The following ATP8A2 variants were observed in gnomAD, a reference collection of about 807,000 sequenced individuals.
The protein encoded by ATP8A2 is ATPase phospholipid transporting 8A2.
A neutral mutation model predicts 165.6 loss-of-function variants in ATP8A2; 100 were observed. That is an observed-to-expected ratio of 0.60 (90% CI 0.51 to 0.71). The LOEUF (loss-of-function observed/expected upper bound fraction) is 0.71, where lower values mean the gene tolerates loss of function less well. Ranked by LOEUF, ATP8A2 falls within the 30% of genes least tolerant of loss-of-function variation. The pLI, the probability that ATP8A2 is intolerant of heterozygous loss-of-function variation, is 0.00. For missense variants in ATP8A2, 1,227 were observed against 1,479.5 expected (o/e 0.83, Z 2.80); for synonymous variants, 543 against 548.8 (o/e 0.99, Z 0.15).
At chr13:25,452,065 G>T (rs1445180894) in intron 1 of ATP8A2, among the ~76,000 whole-genome samples, 1 of 152,088 alleles carries the variant, frequency 6.6e-6, no homozygotes, top group Admixed American at 6.6e-5. Flanking sequence ...GTGTTAGCCA[G>T]GATGGTCTCG....
intron 24 of ATP8A2, among the ~76,000 whole-genome samples, chr13:25,631,581 A>C (rs1373081009): frequency 6.6e-6 from 1 of 152,146 alleles, no homozygotes; most frequent in Non-Finnish European, 1.5e-5. Context: ...ATGTGTGAAG[A>C]GAGTAATTTG....
At chr13:25,417,349 A>G (rs1566117010) in intron 1 of ATP8A2, among the ~76,000 whole-genome samples, 1 of 152,024 alleles carries the variant, frequency 6.6e-6, no homozygotes, top group Non-Finnish European at 1.5e-5. Context: ...CCATTTCCCC[A>G]AATGCCTGGC....
intron 24 of ATP8A2, among the ~76,000 whole-genome samples, chr13:25,682,047 A>G (rs143128205): frequency 6.6e-6 from 1 of 152,296 alleles, no homozygotes; most frequent in African/African-American, 2.4e-5. Context: ...ATAGAAACAA[A>G]ATTACTGTGT....
chr13:25,839,520 G>A (rs1318737947), intron 29 of ATP8A2, 26 bp from the exon 30 acceptor site: 1 of 1,594,428 alleles, frequency 6.3e-7, no homozygotes, highest in Non-Finnish European at 8.6e-7. Context: ...GGCAGCTCCT[G>A]ACTCCCTTGG....
intron 35 of ATP8A2, among the ~76,000 whole-genome samples, chr13:25,979,699 G>A (rs542421664): frequency 4.6e-5 from 7 of 152,264 alleles, no homozygotes; most frequent in Admixed American, 3.3e-4. Flanking sequence ...GCCAGACTCC[G>A]GCCTAGAATG....
At chr13:25,936,221 A>G (rs1954885038) in intron 33 of ATP8A2, among the ~76,000 whole-genome samples, 1 of 152,192 alleles carries the variant, frequency 6.6e-6, no homozygotes, top group Non-Finnish European at 1.5e-5. Flanking sequence ...TACCTCTGGC[A>G]TGTTCATCCA....
chr13:25,447,248 A>C (rs990324069), intron 1 of ATP8A2, among the ~76,000 whole-genome samples: 6 of 152,158 alleles, frequency 3.9e-5, no homozygotes, highest in Admixed American at 6.6e-5. Context: ...CTTAATTGTT[A>C]AGTAAAAACT....
chr13:25,934,360 TGTCA>T (rs1954833095), intron 33 of ATP8A2, among the ~76,000 whole-genome samples: 1 of 152,204 alleles, frequency 6.6e-6, no homozygotes, highest in African/African-American at 2.4e-5. Flanking sequence ...ACTAGGAGGC[TGTCA>T]GTCTAGTGAC....
At chr13:25,377,545 A>G (rs1023957845) in intron 1 of ATP8A2, among the ~76,000 whole-genome samples, 2 of 152,198 alleles carry the variant, frequency 1.3e-5, no homozygotes, top group Non-Finnish European at 1.5e-5. Flanking sequence ...CATGTCTGCA[A>G]TCCCAGTACT....
At chr13:25,875,706 T>TGAC (rs1952804350) in intron 33 of ATP8A2, among the ~76,000 whole-genome samples, 2 of 149,464 alleles carry the variant, frequency 1.3e-5, no homozygotes, top group African/African-American at 5.2e-5. Flanking sequence ...AGCCCAACTG[T>TGAC]TTTAGCCACA....
At chr13:25,384,135 C>A (rs9581325) in intron 1 of ATP8A2, among the ~76,000 whole-genome samples, 7,394 of 152,162 alleles carry the variant, frequency 0.049, 302 homozygotes, top group South Asian at 0.11. Flanking sequence ...TCTCTGGCAC[C>A]CTGCTTTATT....
intron 24 of ATP8A2, among the ~76,000 whole-genome samples, chr13:25,622,788 A>C (rs952684359): frequency 6.6e-6 from 1 of 152,150 alleles, no homozygotes; most frequent in Non-Finnish European, 1.5e-5. Flanking sequence ...TGTATATGCA[A>C]ATATTCCAAA....
chr13:25,922,053 G>C (rs1340217585), intron 33 of ATP8A2, among the ~76,000 whole-genome samples: 1 of 152,182 alleles, frequency 6.6e-6, no homozygotes. Flanking sequence ...TTTTAGAATA[G>C]AGCAGGAAAA....
At chr13:25,457,842 C>T (rs57880116) in intron 1 of ATP8A2, among the ~76,000 whole-genome samples, 30,569 of 152,132 alleles carry the variant, frequency 0.2, 3,178 homozygotes, top group East Asian at 0.29. Flanking sequence ...ACAAGAGAGT[C>T]GGGAAAAGCC....
rs138669259 is a variant in ATP8A2 at position 25,847,365 on chromosome 13, G to T, written c.2956+7741G>T. Among the ~76,000 whole-genome samples, 1,224 of 152,336 alleles carry T rather than the reference G, an allele frequency of 8.0e-3. 18 individuals are homozygous for T. Among genetic ancestry groups the T allele is most frequent in the African/African-American group, 0.028 (1,180 of 41,586 alleles). On this transcript the variant is annotated intron_variant, in intron 30 of 36. Transcript: ENST00000381655. ...AACCGCAGTTATGAACTGCGGTAAA[G>T]CTCTGACTTTAGCTGTTTTCCTGTA...
intron 1 of ATP8A2, among the ~76,000 whole-genome samples, chr13:25,419,993 C>T (rs1392354573): frequency 3.3e-5 from 5 of 152,032 alleles, no homozygotes; most frequent in East Asian, 1.9e-4. Context: ...GAAAGGAATA[C>T]GATACATACT....
intron 24 of ATP8A2, among the ~76,000 whole-genome samples, chr13:25,613,578 A>C (rs1274539616): frequency 6.6e-6 from 1 of 152,198 alleles, no homozygotes; most frequent in African/African-American, 2.4e-5. Context: ...ATCTCAAAAA[A>C]ACAAAACAAA....
At position 25,372,880 on chromosome 13, in the gene ATP8A2, C is replaced by T. The variant is rs1348084489; in HGVS notation, c.76+592C>T. Among the ~76,000 whole-genome samples the T allele has an allele frequency of 1.3e-5, 2 of 152,076 alleles. No individual in the cohort carries two copies. Among genetic ancestry groups the T allele is most frequent in the African/African-American group, 2.4e-5 (1 of 41,420 alleles). On this transcript the variant is annotated intron_variant, in intron 1 of 36. Transcript: ENST00000381655. This position sits in a 1 kb window ranked among gnomAD's most constrained non-coding sequence, Gnocchi z 4.8. ...ACGAACACACACACGCACACGCGCG[C>T]GCACACACACACACAGGTACACACA...
At chr13:25,639,883 C>T (rs563226852) in intron 24 of ATP8A2, among the ~76,000 whole-genome samples, 3 of 152,226 alleles carry the variant, frequency 2.0e-5, no homozygotes, top group Non-Finnish European at 4.4e-5. Context: ...TGTAAAAGAA[C>T]AGAAATTATA....
Sources: allele counts gnomAD v4.1 joint callset (sites outside exome capture counted in the v4.1 genomes callset), GRCh38; gene constraint gnomAD v4.1.1; non-coding constraint Gnocchi (gnomAD v3.1); transcripts MANE v1.5; gene names NCBI Gene and HGNC (gene_info 2026-07-23, HGNC 2026-07-21).